MYO1B: variants seen among roughly 807,000 people sequenced by gnomAD.
The protein encoded by MYO1B is myosin IB, also known as unconventional myosin-Ib.
In MYO1B, 72 loss-of-function variants were observed where a neutral mutation model predicts 159.7. That is an observed-to-expected ratio of 0.45 (90% CI 0.37 to 0.55). The LOEUF (loss-of-function observed/expected upper bound fraction) is 0.55. MYO1B is among the 20% of genes least tolerant of loss of function. The pLI, the probability that MYO1B is intolerant of heterozygous loss-of-function variation, is 0.00. For synonymous variants in MYO1B, 468 were observed against 473.8 expected, an observed-to-expected ratio of 0.99 and a Z score of 0.16; for missense variants, 1,062 against 1,364.8, an observed-to-expected ratio of 0.78 and a Z score of 3.50.
chr2:191,399,450 T>C (rs1225711314), intron 21 of MYO1B, among the ~76,000 whole-genome samples: 1 of 152,090 alleles, frequency 6.6e-6, no homozygotes, highest in East Asian at 1.9e-4. Flanking sequence ...AGTGGTAGAG[T>C]CAAGTAGTAG....
chr2:191,303,758 A>C (rs1689477094), intron 3 of MYO1B, among the ~76,000 whole-genome samples: 2 of 152,188 alleles, frequency 1.3e-5, no homozygotes, highest in Admixed American at 6.5e-5. Flanking sequence ...TTTGAGCCAT[A>C]TCTAAGGCAG....
rs748187126 is a variant in MYO1B at position 191,393,069 on chromosome 2, T to C, written c.2077-4T>C. 17 of 1,612,578 alleles carry C rather than the reference T, an allele frequency of 1.1e-5. No individual in the cohort carries two copies. In the Admixed American group the frequency reaches 1.7e-4, roughly 16 times the overall value. On this transcript the variant is annotated splice_polypyrimidine_tract_variant and splice_region_variant and intron_variant, in intron 19 of 30. Coordinates refer to ENST00000392318, the MANE Select transcript of MYO1B (RefSeq NM_001130158.3). ...TGATAAGTCCATCTATCATTTCTTA[T>C]TAGTTATTCAAATTAGAAGACCTGA...
chr2:191,417,808 G>A (rs1697667769), intron 30 of MYO1B, among the ~76,000 whole-genome samples: 1 of 152,204 alleles, frequency 6.6e-6, no homozygotes, highest in Non-Finnish European at 1.5e-5. Context: ...TGATTCTCCT[G>A]AGGAGCTTTG....
chr2:191,337,921 C>T (rs985950659), intron 4 of MYO1B, among the ~76,000 whole-genome samples: 1 of 151,944 alleles, frequency 6.6e-6, no homozygotes, highest in Non-Finnish European at 1.5e-5. Context: ...GAATACAGAT[C>T]CAAATTTATT....
At chr2:191,379,574 A>T (rs892422199) in intron 13 of MYO1B, among the ~76,000 whole-genome samples, 1 of 152,206 alleles carries the variant, frequency 6.6e-6, no homozygotes, top group African/African-American at 2.4e-5. Flanking sequence ...TGAGGACACT[A>T]GTGCTTTCCT....
In MYO1B at chr2:191,367,028, C is replaced by T. The variant is rs545826584; in HGVS notation, c.1033-2514C>T. Among the ~76,000 whole-genome samples, 23 of 152,184 alleles carry T rather than the reference C, an allele frequency of 1.5e-4. No homozygotes were observed. In the South Asian group the frequency reaches 4.8e-3, roughly 32 times the overall value. On this transcript the variant is annotated intron_variant, in intron 11 of 30. Coordinates refer to ENST00000392318, the MANE Select transcript of MYO1B (RefSeq NM_001130158.3). ...TTGCCGTCCTAGACCATGCCTGTTA[C>T]TGGCCATGTCTGCAGCACATTCCAC...
Position 191,272,783 on chromosome 2 carries a change from G to A in MYO1B, c.-9-4104G>A, listed in dbSNP as rs375963189. On this transcript the variant is annotated intron_variant, in intron 1 of 30. Transcript: ENST00000392318. The stretch of plus-strand genomic sequence containing the variant: ...CAAGTCTCAAGATACCACGGGCCAT[G>A]GTTTAGTCCACTATTTCACTATTAA... Among the ~76,000 whole-genome samples, 13 of 152,280 alleles carry A rather than the reference G, an allele frequency of 8.5e-5. No individual in the cohort carries two copies. The South Asian group carries it at 2.7e-3, about 32-fold the overall frequency.
chr2:191,247,918 C>G, intron 1 of MYO1B: 3 of 984,842 alleles, frequency 3.0e-6, no homozygotes, highest in Non-Finnish European at 3.6e-6. Context: ...TTTGTCAAGC[C>G]TGGAGTTAAA....
chr2:191,414,636 A>G lies in MYO1B; in HGVS notation c.3126A>G (p.Gln1042=), dbSNP rs777042267. ...TGACCAAGGTATCAATGAGCTCACA[A>G]AATGATGGCTTCTTCGCCGTCCACC... The part of the protein sequence containing the change: ...VDVTKVSMSS[Q]NDGFFAVHLK... Residue 1042 remains glutamine (Q), a synonymous_variant, in exon 29 of 31, where the codon CAA becomes CAG. Coordinates refer to ENST00000392318, the MANE Select transcript of MYO1B (RefSeq NM_001130158.3). The G allele has an allele frequency of 1.2e-6, 2 of 1,612,928 alleles. No individual in the cohort carries two copies. The highest frequency in any genetic ancestry group is 2.7e-5 in the African/African-American group (2 of 74,922).
chr2:191,347,519 T>G (rs1458543322), intron 6 of MYO1B, among the ~76,000 whole-genome samples: 1 of 152,222 alleles, frequency 6.6e-6, no homozygotes, highest in Non-Finnish European at 1.5e-5. Flanking sequence ...GCAAATATAT[T>G]TAGTCTATAG....
chr2:191,269,254 T>C (rs1406554754), intron 1 of MYO1B, among the ~76,000 whole-genome samples: 1 of 152,210 alleles, frequency 6.6e-6, no homozygotes, highest in East Asian at 1.9e-4. Flanking sequence ...GATCGTATAT[T>C]TCTACTCTTG....
chr2:191,422,761 G>T (rs1199648401), intron 30 of MYO1B, among the ~76,000 whole-genome samples: 7 of 152,064 alleles, frequency 4.6e-5, no homozygotes, highest in African/African-American at 1.7e-4. Context: ...GGGTTGCCAG[G>T]CCCCTTCCTT....
At chr2:191,317,448 T>C (rs995721588) in intron 3 of MYO1B, among the ~76,000 whole-genome samples, 3 of 152,208 alleles carry the variant, frequency 2.0e-5, no homozygotes, top group Non-Finnish European at 4.4e-5. Flanking sequence ...GCCTGCAATG[T>C]TACTAGTGCA....
At chr2:191,330,079 G>T in intron 4 of MYO1B, 50 bp downstream of exon 4, 1 of 1,535,494 alleles carries the variant, frequency 6.5e-7, no homozygotes, top group South Asian at 1.1e-5. Flanking sequence ...TGCACAGAAT[G>T]ACAACAGCAA....
intron 5 of MYO1B, 46 bp from the exon 6 acceptor site, chr2:191,346,190 G>A (rs1559187244): frequency 1.5e-6 from 2 of 1,376,074 alleles, no homozygotes; most frequent in African/African-American, 1.5e-5. Flanking sequence ...TTCTGCTTGA[G>A]ATTATTATTA....
At chr2:191,377,527 A>C (rs1305505442) in intron 13 of MYO1B, 3 of 152,150 alleles carry the variant, frequency 2.0e-5, no homozygotes, top group African/African-American at 7.2e-5. Context: ...TTGACAAACC[A>C]AAAAAGTCTC....
At chr2:191,316,306 C>G (rs1690345723) in intron 3 of MYO1B, among the ~76,000 whole-genome samples, 1 of 152,138 alleles carries the variant, frequency 6.6e-6, no homozygotes, top group South Asian at 2.1e-4. Context: ...GAATAGATGG[C>G]CCCTCATCTC....
At position 191,425,009 on chromosome 2, in the gene MYO1B, T is replaced by C. The variant is rs967095460; in HGVS notation, c.*1049T>C. On this transcript the variant is annotated 3_prime_UTR_variant, in exon 31 of 31. Transcript: ENST00000392318. ...AGTCATGGATCAAAATTTGTGTAAC[T>C]TGCAGGGCTTTCTTTCTTTTTCTTC... is the stretch of plus-strand genomic sequence containing the variant. The C allele has an allele frequency of 2.0e-5, 3 of 152,580 alleles. No homozygotes were observed. Among genetic ancestry groups the C allele is most frequent in the Non-Finnish European group, 4.4e-5 (3 of 67,994 alleles). The allele number at this position is 152,580 out of a possible 1,614,324, so 9.5% of individuals were successfully genotyped here.
At position 191,347,693 on chromosome 2, in the gene MYO1B, G is replaced by A. The variant is rs142585401; in HGVS notation, c.498+1411G>A. Among the ~76,000 whole-genome samples the A allele has an allele frequency of 4.1e-3, 620 of 152,252 alleles. 4 individuals carry two copies. Among genetic ancestry groups the A allele is most frequent in the African/African-American group, 0.015 (605 of 41,530 alleles). On this transcript the variant is annotated intron_variant, in intron 6 of 30. Coordinates refer to ENST00000392318, the MANE Select transcript of MYO1B (RefSeq NM_001130158.3). Reference sequence around the variant, plus strand: ...ATATGAGATTAATACCTGATTATGGGCTAAATCATTTCATGCCCAGTTTTT... The same window carrying A: ...ATATGAGATTAATACCTGATTATGGACTAAATCATTTCATGCCCAGTTTTT...
Sources: allele counts gnomAD v4.1 joint callset (sites outside exome capture counted in the v4.1 genomes callset), GRCh38; gene constraint gnomAD v4.1.1; transcripts MANE v1.5; gene names NCBI Gene and HGNC (gene_info 2026-07-23, HGNC 2026-07-21).